The following FTSJ3 variants were observed in gnomAD, a reference collection of about 807,000 sequenced individuals.
FTSJ3 encodes pre-rRNA 2'-O-ribose RNA methyltransferase FTSJ3.
In FTSJ3, 46 loss-of-function variants were observed where a neutral mutation model predicts 111.5. That is an observed-to-expected ratio of 0.41 (90% CI 0.33 to 0.53). The LOEUF is 0.53. FTSJ3 is among the 20% of genes least tolerant of loss of function. The probability of loss-of-function intolerance (pLI) is 0.19; values close to 1 mark genes in which losing one functional copy is unlikely to be tolerated. For missense variants in FTSJ3, 1,075 were observed against 1,063.8 expected (o/e 1.01, Z -0.15); for synonymous variants, 408 against 383.0 (o/e 1.07, Z -0.76).
At position 63,819,792 on chromosome 17, in the gene FTSJ3, G is replaced by A. The variant is rs2040028827; in HGVS notation, c.*10C>T. ...GTCCCCATGCTCTCCTGGGAGCCTG[G>A]CAGCTCTGCTTACTTCCGTTTGTGT... On this transcript the variant is annotated 3_prime_UTR_variant, in exon 21 of 21. Coordinates refer to ENST00000427159, the MANE Select transcript of FTSJ3 (RefSeq NM_017647.4). 6.2e-7 allele frequency: 1 copy of A among 1,606,210 alleles called. No homozygotes were observed. The highest frequency in any genetic ancestry group is 1.7e-5 in the Admixed American group (1 of 59,304).
At chr17:63,826,746 C>T (rs761761195) in intron 2 of FTSJ3, 74 bp from the exon 3 acceptor site, 1 of 1,554,168 alleles carries the variant, frequency 6.4e-7, no homozygotes, top group Non-Finnish European at 8.9e-7. Context: ...ACCACCCCTT[C>T]TGCAGGAGAG....
Position 63,821,642 on chromosome 17 carries a change from C to G in FTSJ3, c.1598G>C (p.Gly533Ala). 1 of 1,613,292 alleles carries G rather than the reference C, an allele frequency of 6.2e-7. No individual in the cohort carries two copies. Among genetic ancestry groups the G allele is most frequent in the Non-Finnish European group, 8.5e-7 (1 of 1,179,340 alleles). ...EEQANLWFSK[G>A]SFAGIEDDAD... The stretch of plus-strand genomic sequence containing the variant: ...ATCGTCCTCGATCCCAGCAAAGCTG[C>G]CCTGTGATAGGAGAACATCAGCTGC... The change falls in exon 16 of 21, where the codon GGC becomes GCC. Residue 533 changes from glycine (G) to alanine (A), a missense_variant and splice_region_variant. Physicochemically the swap from Gly to Ala is moderately conservative, Grantham distance 60. This residue lies in a region of FTSJ3 where 867 missense variants were observed against 796.9 expected (regional missense o/e 1.09). Transcript: ENST00000427159.
intron 11 of FTSJ3, 35 bp from the exon 12 acceptor site, chr17:63,824,274 C>T: frequency 5.6e-6 from 9 of 1,614,154 alleles, no homozygotes; most frequent in South Asian, 1.1e-5. Context: ...GGTTATTTTC[C>T]CAGACTTTTC....
chr17:63,827,194 G>A lies in FTSJ3; in HGVS notation c.-169C>T. On this transcript the variant is annotated 5_prime_UTR_variant, in exon 1 of 21. Transcript: ENST00000427159. ...GGCCCTAGATTGTTCTCAATACTCTGTCCTTGGGTTTTGTAAGTTGAAAGT... is the reference window on the plus strand; with the variant it reads ...GGCCCTAGATTGTTCTCAATACTCTATCCTTGGGTTTTGTAAGTTGAAAGT... 3.3e-6 allele frequency: 2 copies of A among 604,872 alleles called. No individual in the cohort carries two copies. The allele number at this position is 604,872 out of a possible 1,614,324, so 37.5% of individuals were successfully genotyped here. A position where few individuals can be genotyped will look rare whatever the true frequency, so the allele number is the denominator to read the frequency against.
intron 10 of FTSJ3, 26 bp downstream of exon 10, chr17:63,824,611 G>C (rs762559035): frequency 6.3e-7 from 1 of 1,575,270 alleles, no homozygotes; most frequent in East Asian, 2.2e-5. Flanking sequence ...AGGGCTCCTG[G>C]CCCCCGTGCC....
At position 63,821,981 on chromosome 17, in the gene FTSJ3, T is replaced by TA; in HGVS notation, c.1475+2dup. On this transcript the variant is annotated splice_region_variant and intron_variant, in intron 14 of 20. Transcript: ENST00000427159. ...TTCCCTTTGGTGCACACGTGCCCCT[T>TA]ACCGCTTTTGGTCCCTTAGACCCTG... The TA allele has an allele frequency of 6.2e-7, 1 of 1,614,078 alleles. No individual in the cohort carries two copies. The highest frequency in any genetic ancestry group is 8.5e-7 in the Non-Finnish European group (1 of 1,179,950).
Position 63,824,428 on chromosome 17 carries a change from A to C in FTSJ3, c.918-17T>G. 1.2e-6 allele frequency: 2 copies of C among 1,612,838 alleles called. No individual in the cohort carries two copies. Among genetic ancestry groups the C allele is most frequent in the Non-Finnish European group, 1.7e-6 (2 of 1,178,940 alleles). ...AGTAGCGACCTGCCCCAGAGATACT[A>C]TTACTGATCTTGCCATCTCCCTCTT... On this transcript the variant is annotated splice_polypyrimidine_tract_variant and intron_variant, in intron 10 of 20. Transcript: ENST00000427159.
intron 12 of FTSJ3, 29 bp from the exon 13 acceptor site, chr17:63,823,981 C>G (rs183632393): frequency 1.2e-6 from 2 of 1,613,924 alleles, no homozygotes; most frequent in Non-Finnish European, 1.7e-6. Context: ...GGAGTAAAAC[C>G]GGCCCAGCTC....
chr17:63,819,717 G>T lies in FTSJ3; in HGVS notation c.*85C>A. The T allele has an allele frequency of 7.9e-7, 1 of 1,268,742 alleles. No individual in the cohort carries two copies. Among genetic ancestry groups the T allele is most frequent in the Non-Finnish European group, 1.1e-6 (1 of 909,420 alleles). 78.6% of individuals were successfully genotyped at this position (1,268,742 alleles called of 1,614,324 possible). ...ACAGCTGTGATGTGAGCAGGGGCTA[G>T]GCCGGTAATCAAGGGGGCCAGACTG... On this transcript the variant is annotated 3_prime_UTR_variant, in exon 21 of 21. Coordinates refer to ENST00000427159, the MANE Select transcript of FTSJ3 (RefSeq NM_017647.4).
chr17:63,821,101 C>A lies in FTSJ3; in HGVS notation c.1901G>T (p.Arg634Leu). ...AGGCCCACGGCTTCGCTTCTTACCA[C>A]GGAGGGGTTCCCAGCTGTGAAGAGG... ...SEEEESWEPL[R>L]GKKRSRGPKS... The change falls in exon 17 of 21, where the codon CGT becomes CTT. Residue 634 changes from arginine to leucine, a missense_variant. Physicochemically the swap from Arg to Leu is moderately radical, Grantham distance 102. This residue lies in a region of FTSJ3 where 867 missense variants were observed against 796.9 expected (regional missense o/e 1.09). Transcript: ENST00000427159. 1 of 1,614,146 alleles carries A rather than the reference C, an allele frequency of 6.2e-7. No individual in the cohort carries two copies. The highest frequency in any genetic ancestry group is 1.1e-5 in the South Asian group (1 of 91,076).
In FTSJ3 at chr17:63,827,426, C is replaced by T. The variant is rs116192337; in HGVS notation, c.-401G>A. The stretch of plus-strand genomic sequence containing the variant: ...CTCTGCCTGGTCTTCAGGTCCCAAT[C>T]CTCCGCTTCCGCGCTTGCGCGCCAA... On this transcript the variant is annotated 5_prime_UTR_variant, in exon 1 of 21. Coordinates refer to ENST00000427159, the MANE Select transcript of FTSJ3 (RefSeq NM_017647.4). 1 of 1,551,162 alleles carries T rather than the reference C, an allele frequency of 6.4e-7. No homozygotes were observed. Among genetic ancestry groups the T allele is most frequent in the Non-Finnish European group, 8.7e-7 (1 of 1,146,540 alleles).
rs1486374248 is a variant in FTSJ3 at position 63,824,168 on chromosome 17, T to C, written c.1070A>G (p.Lys357Arg). Residue 357 changes from lysine (K) to arginine (R), a missense_variant, in exon 12 of 21, where the codon AAG becomes AGG. Around this residue, in one of 2 missense-constraint regions of FTSJ3, gnomAD observed 867 missense variants for 796.9 expected, o/e 1.09. Transcript: ENST00000427159. Reference sequence around the variant, plus strand: ...CTCCTCCTCCTCTTCCTCCTCCTCCTTAGAGGGCTGCTTTGTGGTTCCAGC... The same window carrying C: ...CTCCTCCTCCTCTTCCTCCTCCTCCCTAGAGGGCTGCTTTGTGGTTCCAGC... ...STAGTTKQPS[K>R]EEEEEEEEEQ... 2 of 1,614,170 alleles carry C rather than the reference T, an allele frequency of 1.2e-6. No homozygotes were observed. The highest frequency in any genetic ancestry group is 1.7e-6 in the Non-Finnish European group (2 of 1,180,024).
At position 63,819,978 on chromosome 17, in the gene FTSJ3, C is replaced by T. The variant is rs1185352132; in HGVS notation, c.2368G>A (p.Gly790Arg). ...ACATGGCGTTTCTCCTTGCCAAGCC[C>T]AGCCTTCTTGTAGAGACTACAGGGG... Reference protein sequence around the residue: ...AQLRSLYKKAGLGKEKRHVTY... With the variant: ...AQLRSLYKKARLGKEKRHVTY... Residue 790 changes from glycine to arginine, a missense_variant, in exon 21 of 21, where the codon GGG (glycine) becomes AGG (arginine). Around this residue, in one of 2 missense-constraint regions of FTSJ3, gnomAD observed 867 missense variants for 796.9 expected, o/e 1.09. Coordinates refer to ENST00000427159, the MANE Select transcript of FTSJ3 (RefSeq NM_017647.4). 6.2e-7 allele frequency: 1 copy of T among 1,614,064 alleles called. No homozygotes were observed. The highest frequency in any genetic ancestry group is 8.5e-7 in the Non-Finnish European group (1 of 1,180,034).
rs760842390 is a variant in FTSJ3, at chr17:63,819,998, CA to C, written c.2352-5del. 6 of 1,613,862 alleles carry C rather than the reference CA, an allele frequency of 3.7e-6. No homozygotes were observed. The highest frequency in any genetic ancestry group is 2.2e-5 in the South Asian group (2 of 91,046). On this transcript the variant is annotated splice_polypyrimidine_tract_variant and splice_region_variant and intron_variant, in intron 20 of 20. Transcript: ENST00000427159. ...AAGCCCAGCCTTCTTGTAGAGACTA[CA>C]GGGGGGAAGAGAAGAGGTTAGAGGC... is the stretch of plus-strand genomic sequence containing the variant.
rs923266650 is a variant in FTSJ3, at chr17:63,827,538, C to G, written c.-513G>C. On this transcript the variant is annotated 5_prime_UTR_variant, in exon 1 of 21. Transcript: ENST00000427159. ...AGGTATGGCGGGTGCAGTGGCGGCC[C>G]GGCAGGTTACGGGGCTGGGTGCGGA... 1.9e-6 allele frequency: 3 copies of G among 1,551,566 alleles called. No individual in the cohort carries two copies. The highest frequency in any genetic ancestry group is 2.6e-6 in the Non-Finnish European group (3 of 1,146,960).
Position 63,826,110 on chromosome 17 carries a change from A to T in FTSJ3, c.246T>A (p.Pro82=). 6.2e-7 allele frequency: 1 copy of T among 1,613,958 alleles called. No homozygotes were observed. Residue 82 remains proline, a synonymous_variant, in exon 5 of 21, where the codon CCT becomes CCA. Transcript: ENST00000427159. The part of the protein sequence containing the change: ...IVGVDLVPIK[P]LPNVVTLQQD... ...GCTGGAGAGTCACCACATTGGGGAG[A>T]GGCTTGATTGGAACCAGGTCCACTC... is the stretch of plus-strand genomic sequence containing the variant.
Position 63,820,803 on chromosome 17 carries a change from C to T in FTSJ3, c.2072+36G>A, listed in dbSNP as rs750666120. 12 of 1,491,538 alleles carry T rather than the reference C, an allele frequency of 8.0e-6. No individual in the cohort carries two copies. The South Asian group carries it at 1.4e-4, about 17-fold the overall frequency. The allele number at this position is 1,491,538 out of a possible 1,614,324, so 92.4% of individuals were successfully genotyped here. A position where few individuals can be genotyped will look rare whatever the true frequency, so the allele number is the denominator to read the frequency against. On this transcript the variant is annotated intron_variant, in intron 18 of 20. Transcript: ENST00000427159. ...AAAATTACCCATTTACCCACCAGAC[C>T]CTGGGTCACTCTTGATGAGTTTATG...
chr17:63,826,206 T>C, intron 4 of FTSJ3, 52 bp downstream of exon 4: 1 of 1,608,982 alleles, frequency 6.2e-7, no homozygotes, highest in Non-Finnish European at 8.5e-7. Context: ...CAGGACAAAA[T>C]ACCTTATACA....
chr17:63,826,385 C>T lies in FTSJ3; in HGVS notation c.174-81G>A, dbSNP rs551233455. ...AACTGATCTCTCATCCCTGGTGTTA[C>T]GTGTACTGGCCAAAGCATATCATAG... is the stretch of plus-strand genomic sequence containing the variant. On this transcript the variant is annotated intron_variant, in intron 3 of 20. Transcript: ENST00000427159. 2.2e-6 allele frequency: 3 copies of T among 1,362,370 alleles called. No homozygotes were observed. In the African/African-American group the frequency reaches 4.3e-5, roughly 20 times the overall value. 84.4% of individuals were successfully genotyped at this position (1,362,370 alleles called of 1,614,324 possible).
Sources: gnomAD v4.1 joint callset for allele counts on GRCh38, gnomAD v4.1.1 for gene constraint, gnomAD v4.1.1 regional missense constraint, MANE v1.5 for transcripts, NCBI Gene and HGNC (gene_info 2026-07-23, HGNC 2026-07-21) for gene names.